The following UTRN variants were observed in gnomAD, a reference collection of about 807,000 sequenced individuals.
UTRN encodes dystrophin-related protein 1.
UTRN carries 283 observed loss-of-function variants against 463.9 expected under a neutral mutation model. The ratio of observed to expected loss-of-function variants is 0.61; its 90% CI spans 0.55 to 0.67. UTRN has a LOEUF of 0.67. Ranked by LOEUF, UTRN falls within the 30% of genes least tolerant of loss-of-function variation. The pLI is 0.00. For missense variants in UTRN, 3,922 were observed against 4,084.3 expected (o/e 0.96, Z 1.08); for synonymous variants, 1,442 against 1,431.5 (o/e 1.01, Z -0.17).
chr6:144,511,704 T>C (rs1425772444), intron 35 of UTRN, among the ~76,000 whole-genome samples: 1 of 152,220 alleles, frequency 6.6e-6, no homozygotes, highest in African/African-American at 2.4e-5. Flanking sequence ...TAGATTTTGC[T>C]ATGATTATAA....
At chr6:144,647,178 A>G (rs1272976574) in intron 51 of UTRN, among the ~76,000 whole-genome samples, 2 of 152,192 alleles carry the variant, frequency 1.3e-5, no homozygotes, top group Non-Finnish European at 2.9e-5. Context: ...GAGATAATTC[A>G]TTATTTGTCA....
intron 51 of UTRN, among the ~76,000 whole-genome samples, chr6:144,628,617 T>G (rs1381590490): frequency 2.0e-5 from 3 of 152,240 alleles, no homozygotes; most frequent in African/African-American, 2.4e-5. Context: ...CATTCTGAGT[T>G]GTTCTGTGAA....
intron 64 of UTRN, among the ~76,000 whole-genome samples, chr6:144,801,689 A>G (rs189452851): frequency 1.3e-5 from 2 of 152,314 alleles, no homozygotes; most frequent in African/African-American, 4.8e-5. Flanking sequence ...CCTTAATAGT[A>G]GTTGCATAAA....
chr6:144,371,899 A>T (rs1366127355), intron 2 of UTRN, among the ~76,000 whole-genome samples: 1 of 152,360 alleles, frequency 6.6e-6, no homozygotes, highest in East Asian at 1.9e-4. Flanking sequence ...CCTCCACCTA[A>T]CAAAACACCC....
chr6:144,577,046 A>T, intron 50 of UTRN, 53 bp from the exon 51 acceptor site: 1 of 1,550,684 alleles, frequency 6.4e-7, no homozygotes, highest in Non-Finnish European at 8.8e-7. Context: ...CGTGATGTGG[A>T]ATGTCACAAC....
chr6:144,589,417 G>A (rs897708864), intron 51 of UTRN, among the ~76,000 whole-genome samples: 1 of 152,118 alleles, frequency 6.6e-6, no homozygotes, highest in Non-Finnish European at 1.5e-5. Flanking sequence ...AAAGAAATTT[G>A]TTTTGCAAGT....
In UTRN at chr6:144,827,402, C is replaced by G; in HGVS notation, c.9533+16C>G. On this transcript the variant is annotated intron_variant, in intron 67 of 74. Coordinates refer to ENST00000367545, the MANE Select transcript of UTRN (RefSeq NM_007124.3). Reference sequence around the variant, plus strand: ...AGCACTATGAGTGAGTATTCATAGCCCACGTGCAGGAGAGGTGTTCTGATC... The same window carrying G: ...AGCACTATGAGTGAGTATTCATAGCGCACGTGCAGGAGAGGTGTTCTGATC... The G allele has an allele frequency of 6.2e-7, 1 of 1,613,280 alleles. No individual in the cohort carries two copies. Among genetic ancestry groups the G allele is most frequent in the Non-Finnish European group, 8.5e-7 (1 of 1,179,570 alleles).
chr6:144,537,836 G>A, intron 44 of UTRN, 119 bp downstream of exon 44: 6 of 1,380,944 alleles, frequency 4.3e-6, no homozygotes, highest in Non-Finnish European at 3.9e-6. Context: ...TGGTAAATGT[G>A]GTGAACCTGA....
chr6:144,474,474 A>C, intron 24 of UTRN, 130 bp from the exon 25 acceptor site: 1 of 939,202 alleles, frequency 1.1e-6, no homozygotes. Flanking sequence ...AATATTTCTT[A>C]AGTAGTTAGA....
chr6:144,538,511 CA>C (rs35407714), intron 44 of UTRN, among the ~76,000 whole-genome samples: 2 of 149,846 alleles, frequency 1.3e-5, no homozygotes, highest in Admixed American at 6.6e-5. Context: ...TATAAAAATA[CA>C]AAAAAAAATT....
At chr6:144,704,285 C>G (rs1237565363) in intron 53 of UTRN, among the ~76,000 whole-genome samples, 1 of 152,116 alleles carries the variant, frequency 6.6e-6, no homozygotes, top group Non-Finnish European at 1.5e-5. Context: ...TTCACCCTAT[C>G]TTTTTCTTTA....
Position 144,548,809 on chromosome 6 carries a change from T to A in UTRN, c.6765T>A (p.Thr2255=), listed in dbSNP as rs1270427168. 6.2e-7 allele frequency: 1 copy of A among 1,613,924 alleles called. No individual in the cohort carries two copies. Residue 2255 remains threonine, a synonymous_variant, in exon 47 of 75, where the codon ACT becomes ACA. Transcript: ENST00000367545. ...IDQMLKSNIV[T]VGDVEEINKT... is the part of the protein sequence containing the mutation. Reference sequence around the variant, plus strand: ...AGATGCTGAAGTCCAACATTGTCACTGTTGGGGATGTAGAAGAGATCAATA... The same window carrying A: ...AGATGCTGAAGTCCAACATTGTCACAGTTGGGGATGTAGAAGAGATCAATA...
chr6:144,821,114 C>T, intron 66 of UTRN, 96 bp downstream of exon 66: 1 of 1,397,058 alleles, frequency 7.2e-7, no homozygotes, highest in Non-Finnish European at 9.5e-7. Flanking sequence ...TTAATACCAA[C>T]TGCATTTTAG....
chr6:144,666,555 G>T (rs1198725354), intron 51 of UTRN, among the ~76,000 whole-genome samples: 1 of 152,164 alleles, frequency 6.6e-6, no homozygotes, highest in Admixed American at 6.6e-5. Flanking sequence ...AGACTGTGAG[G>T]ATACAGAAGA....
chr6:144,520,258 C>A (rs1795974178), intron 39 of UTRN, among the ~76,000 whole-genome samples: 1 of 152,164 alleles, frequency 6.6e-6, no homozygotes, highest in African/African-American at 2.4e-5. Context: ...GTTTTCTGAT[C>A]TTCCAAAATA....
intron 54 of UTRN, among the ~76,000 whole-genome samples, chr6:144,731,737 T>G (rs1001879578): frequency 6.6e-6 from 1 of 152,182 alleles, no homozygotes; most frequent in African/African-American, 2.4e-5. Context: ...TAGCATTTCT[T>G]TTTGTTTTCT....
At position 144,345,516 on chromosome 6, in the gene UTRN, A is replaced by C. The variant is rs1777492368; in HGVS notation, c.79+53609A>C. Among the ~76,000 whole-genome samples the C allele has an allele frequency of 2.0e-5, 3 of 152,098 alleles. No individual in the cohort carries two copies. In the South Asian group the frequency reaches 6.2e-4, roughly 32 times the overall value. The stretch of plus-strand genomic sequence containing the variant: ...ACAGGGAGATTCCATCTCTACAAAA[A>C]ATTTAAAAATCAGCCAGGCATGGTG... On this transcript the variant is annotated intron_variant, in intron 2 of 74. Coordinates refer to ENST00000367545, the MANE Select transcript of UTRN (RefSeq NM_007124.3).
intron 18 of UTRN, among the ~76,000 whole-genome samples, chr6:144,451,913 TA>T (rs1221329823): frequency 1.3e-5 from 2 of 152,210 alleles, no homozygotes; most frequent in Non-Finnish European, 2.9e-5. Context: ...TTTAGAGTTG[TA>T]AAAAATAAAT....
intron 2 of UTRN, among the ~76,000 whole-genome samples, chr6:144,367,200 G>C (rs1584466323): frequency 6.6e-6 from 1 of 152,102 alleles, no homozygotes; most frequent in South Asian, 2.1e-4. Flanking sequence ...GGCCAGGATG[G>C]TCTTGAACTC....
Sources: allele counts gnomAD v4.1 joint callset (sites outside exome capture counted in the v4.1 genomes callset), GRCh38; gene constraint gnomAD v4.1.1; transcripts MANE v1.5; gene names NCBI Gene and HGNC (gene_info 2026-07-23, HGNC 2026-07-21).